SGCG: variants seen among roughly 807,000 people sequenced by gnomAD.
The protein encoded by SGCG is sarcoglycan gamma.
In SGCG, 26 loss-of-function variants were observed where a neutral mutation model predicts 29.3. The ratio of observed to expected loss-of-function variants is 0.89; its 90% CI spans 0.65 to 1.23. The LOEUF is 1.23. SGCG is among the 50% of genes most tolerant of loss of function. The pLI, the probability that SGCG is intolerant of heterozygous loss-of-function variation, is 0.00. For synonymous variants in SGCG, 145 were observed against 129.7 expected, an observed-to-expected ratio of 1.12 and a Z score of -0.80; for missense variants, 353 against 356.0, an observed-to-expected ratio of 0.99 and a Z score of 0.07.
At chr13:23,233,116 A>C (rs1278292640) in intron 2 of SGCG, among the ~76,000 whole-genome samples, 1 of 152,216 alleles carries the variant, frequency 6.6e-6, no homozygotes, top group African/African-American at 2.4e-5. Context: ...TCGCACACCC[A>C]TGTTCATAGC....
chr13:23,216,014 C>G (rs7318499), intron 2 of SGCG, among the ~76,000 whole-genome samples: 3,033 of 152,194 alleles, frequency 0.02, 100 homozygotes, highest in African/African-American at 0.069. Flanking sequence ...TAATTATCTA[C>G]CTTTTCTTAG....
At chr13:23,178,177 G>C (rs973162369), upstream of SGCG, among the ~76,000 whole-genome samples, 1 of 152,102 alleles carries the variant, frequency 6.6e-6, no homozygotes, top group Non-Finnish European at 1.5e-5. Flanking sequence ...ATGGGGGCTG[G>C]CAGTTCCCGG....
At chr13:23,283,274 G>A (rs1881376061) in intron 5 of SGCG, among the ~76,000 whole-genome samples, 1 of 152,182 alleles carries the variant, frequency 6.6e-6, no homozygotes, top group African/African-American at 2.4e-5. Flanking sequence ...AGGTCTCTAA[G>A]AACTTGCTTT....
At chr13:23,176,014 A>T (rs1240911197), upstream of SGCG, among the ~76,000 whole-genome samples, 2 of 152,138 alleles carry the variant, frequency 1.3e-5, no homozygotes, top group Non-Finnish European at 2.9e-5. Flanking sequence ...GAAGATTGTA[A>T]CTTTAATTAA....
At chr13:23,262,066 A>G (rs1880458502) in intron 4 of SGCG, among the ~76,000 whole-genome samples, 1 of 152,074 alleles carries the variant, frequency 6.6e-6, no homozygotes, top group Non-Finnish European at 1.5e-5. Context: ...TGAAAGCACA[A>G]AATTCACAGG....
chr13:23,270,389 C>G (rs1267399797), intron 4 of SGCG, among the ~76,000 whole-genome samples: 1 of 152,186 alleles, frequency 6.6e-6, no homozygotes, highest in African/African-American at 2.4e-5. Context: ...TGAGAAATGG[C>G]ATGTCAGTGT....
At chr13:23,300,891 A>G (rs924303036) in intron 6 of SGCG, among the ~76,000 whole-genome samples, 1 of 151,636 alleles carries the variant, frequency 6.6e-6, no homozygotes, top group Non-Finnish European at 1.5e-5. Flanking sequence ...CGAGGCGGGC[A>G]GATCATGAGG....
At chr13:23,182,935 A>G (rs1417414789) in intron 1 of SGCG, among the ~76,000 whole-genome samples, 1 of 152,218 alleles carries the variant, frequency 6.6e-6, no homozygotes, top group East Asian at 1.9e-4. Flanking sequence ...AGGGCAGTGG[A>G]GGCGGCAGTG....
At chr13:23,265,441 G>A (rs1349979213) in intron 4 of SGCG, among the ~76,000 whole-genome samples, 1 of 152,134 alleles carries the variant, frequency 6.6e-6, no homozygotes, top group Admixed American at 6.5e-5. Flanking sequence ...GCTGGGTGCA[G>A]TTGCACGCAC....
the SGCG span, among the ~76,000 whole-genome samples, chr13:23,172,981 G>T: frequency 6.6e-6 from 1 of 152,168 alleles, no homozygotes; most frequent in African/African-American, 2.4e-5. Context: ...AATATTTTTT[G>T]TGTTTGAGAA....
At chr13:23,317,030 G>T (rs34453892) in intron 6 of SGCG, among the ~76,000 whole-genome samples, 5 of 151,880 alleles carry the variant, frequency 3.3e-5, no homozygotes, top group Non-Finnish European at 7.4e-5. Flanking sequence ...CACAGTGAAA[G>T]CTGTCTCTAC....
chr13:23,195,773 C>T (rs371075301), intron 1 of SGCG, among the ~76,000 whole-genome samples: 6 of 151,962 alleles, frequency 3.9e-5, no homozygotes, highest in South Asian at 2.1e-4. Context: ...ATCTATTTTG[C>T]TATATTTAGT....
chr13:23,168,026 T>C, the SGCG span, among the ~76,000 whole-genome samples: 2 of 152,186 alleles, frequency 1.3e-5, no homozygotes. Context: ...CATGAGTCAC[T>C]GCGCCTCGCT....
chr13:23,250,179 AT>A (rs1178682202), intron 3 of SGCG, among the ~76,000 whole-genome samples: 1 of 152,212 alleles, frequency 6.6e-6, no homozygotes, highest in Non-Finnish European at 1.5e-5. Context: ...GTATACATAG[AT>A]TTTTTTATTT....
intron 4 of SGCG, among the ~76,000 whole-genome samples, chr13:23,271,903 T>G (rs540335253): frequency 6.6e-6 from 1 of 152,204 alleles, no homozygotes; most frequent in Non-Finnish European, 1.5e-5. Flanking sequence ...ATTTCTAAAT[T>G]TTTAATCATC....
At chr13:23,274,946 A>G (rs1343233936) in intron 4 of SGCG, among the ~76,000 whole-genome samples, 1 of 151,896 alleles carries the variant, frequency 6.6e-6, no homozygotes, top group Non-Finnish European at 1.5e-5. Flanking sequence ...TTGAAATTAG[A>G]TTTTTTCAGT....
rs957838468 is a variant in SGCG, at chr13:23,234,703, C to T, written c.288C>T (p.His96=). The change falls in exon 3 of 8, where the codon CAC becomes CAT. Residue 96 remains histidine (H), a synonymous_variant. Transcript: ENST00000218867. The part of the protein sequence containing the change: ...FLFPLYAKEI[H]SRVDSSLLLQ... ...TCCCATTGTATGCCAAAGAAATACA[C>T]TCCAGAGTGGTAAGAAAATGTTAAG... 3 of 1,574,048 alleles carry T rather than the reference C, an allele frequency of 1.9e-6. No individual in the cohort carries two copies. Among genetic ancestry groups the T allele is most frequent in the Non-Finnish European group, 2.6e-6 (3 of 1,143,844 alleles).
At chr13:23,164,636 A>G in the SGCG span, among the ~76,000 whole-genome samples, 2 of 152,186 alleles carry the variant, frequency 1.3e-5, no homozygotes, top group Non-Finnish European at 2.9e-5. Flanking sequence ...GAAGGGAAAT[A>G]GGAACTGGCC....
intron 5 of SGCG, among the ~76,000 whole-genome samples, chr13:23,293,662 C>T (rs1295939892): frequency 6.6e-6 from 1 of 152,042 alleles, no homozygotes; most frequent in Non-Finnish European, 1.5e-5. Context: ...GAAACCCTGT[C>T]TCTACTAAAA....
Sources: allele counts gnomAD v4.1 joint callset (sites outside exome capture counted in the v4.1 genomes callset), GRCh38; gene constraint gnomAD v4.1.1; transcripts MANE v1.5; gene names NCBI Gene and HGNC (gene_info 2026-07-23, HGNC 2026-07-21).